C1QTNF7: variants seen among roughly 807,000 people sequenced by gnomAD.
The protein encoded by C1QTNF7 is complement C1q tumor necrosis factor-related protein 7.
A neutral mutation model predicts 19.6 loss-of-function variants in C1QTNF7; 15 were observed. That is an observed-to-expected ratio of 0.76 (90% confidence interval 0.51 to 1.18). C1QTNF7 has a LOEUF of 1.18. Ranked by LOEUF, C1QTNF7 falls within the 50% of genes most tolerant of loss-of-function variation. C1QTNF7 has a pLI of 0.00. For synonymous variants in C1QTNF7, 142 were observed against 137.5 expected (o/e 1.03, Z -0.23); for missense variants, 324 against 359.7 (o/e 0.90, Z 0.80).
intron 1 of C1QTNF7, among the ~76,000 whole-genome samples, chr4:15,418,223 TC>T (rs1711538808): frequency 6.6e-6 from 1 of 152,062 alleles, no homozygotes; most frequent in Non-Finnish European, 1.5e-5. Flanking sequence ...CCCAACTTGC[TC>T]CCACCTCCCC....
At chr4:15,421,253 C>A (rs1392666379) in intron 1 of C1QTNF7, among the ~76,000 whole-genome samples, 1 of 152,078 alleles carries the variant, frequency 6.6e-6, no homozygotes, top group East Asian at 1.9e-4. Context: ...AATATTGTTA[C>A]AATCACCACT....
At chr4:15,360,798 T>G (rs1235823120) in intron 1 of C1QTNF7, among the ~76,000 whole-genome samples, 1 of 152,182 alleles carries the variant, frequency 6.6e-6, no homozygotes, top group Non-Finnish European at 1.5e-5. Context: ...TTTTAGCAAG[T>G]AGATGAATTT....
intron 1 of C1QTNF7, among the ~76,000 whole-genome samples, chr4:15,391,369 C>T (rs931333392): frequency 7.2e-5 from 11 of 152,028 alleles, no homozygotes; most frequent in African/African-American, 2.2e-4. Context: ...ACTTGAGCCA[C>T]GGAATATCCT....
rs1423217796 is a variant in C1QTNF7 at position 15,445,262 on chromosome 4, A to C, written c.*2463A>C. ...ATAGAATTCCAAGTTATAAAGCATA[A>C]AAAAGAGCCAACAGAAGTAACTAAT... is the stretch of plus-strand genomic sequence containing the variant. On this transcript the variant is annotated 3_prime_UTR_variant, in exon 3 of 3. Coordinates refer to ENST00000444304, the MANE Select transcript of C1QTNF7 (RefSeq NM_031911.5). 2.0e-5 allele frequency: 3 copies of C among 152,234 alleles called. No homozygotes were observed. 9.4% of individuals were successfully genotyped at this position (152,234 alleles called of 1,614,324 possible).
chr4:15,437,974 A>G (rs1712602418), intron 2 of C1QTNF7, among the ~76,000 whole-genome samples: 1 of 152,168 alleles, frequency 6.6e-6, no homozygotes, highest in African/African-American at 2.4e-5. Flanking sequence ...AGCATAAGAC[A>G]TTGTTCTTGC....
At chr4:15,399,111 C>T (rs2108905973) in intron 1 of C1QTNF7, among the ~76,000 whole-genome samples, 1 of 152,272 alleles carries the variant, frequency 6.6e-6, no homozygotes, top group South Asian at 2.1e-4. Context: ...GCCATTTTGC[C>T]TCTTAATGCA....
chr4:15,399,129 G>A (rs1412154085), intron 1 of C1QTNF7, among the ~76,000 whole-genome samples: 8 of 152,166 alleles, frequency 5.3e-5, no homozygotes, highest in African/African-American at 1.4e-4. Flanking sequence ...GCACATGCTT[G>A]AGACCACTCT....
chr4:15,357,870 A>AT (rs1163346193), intron 1 of C1QTNF7, among the ~76,000 whole-genome samples: 3 of 152,042 alleles, frequency 2.0e-5, no homozygotes, highest in African/African-American at 7.2e-5. Context: ...TTCACTCATG[A>AT]TTTTCCTCTC....
intron 1 of C1QTNF7, among the ~76,000 whole-genome samples, chr4:15,396,307 G>T (rs1718776504): frequency 6.6e-6 from 1 of 152,142 alleles, no homozygotes; most frequent in Non-Finnish European, 1.5e-5. Context: ...AGATTGAGAG[G>T]CTCTGGCTGT....
chr4:15,414,428 G>A (rs151320318), intron 1 of C1QTNF7, among the ~76,000 whole-genome samples: 1 of 152,054 alleles, frequency 6.6e-6, no homozygotes, highest in Non-Finnish European at 1.5e-5. Flanking sequence ...CCTAAGCATT[G>A]CCCAATGACA....
At chr4:15,366,039 C>T (rs146089508) in intron 1 of C1QTNF7, among the ~76,000 whole-genome samples, 26 of 152,282 alleles carry the variant, frequency 1.7e-4, no homozygotes, top group African/African-American at 6.0e-4. Context: ...ATGTCCACTA[C>T]AGTGTACACA....
Position 15,445,385 on chromosome 4 carries a change from C to T in C1QTNF7, c.*2586C>T, listed in dbSNP as rs544096031. 2 of 152,332 alleles carry T rather than the reference C, an allele frequency of 1.3e-5. No individual in the cohort carries two copies. The highest frequency in any genetic ancestry group is 3.9e-4 in the East Asian group (2 of 5,186). 9.4% of individuals were successfully genotyped at this position (152,332 alleles called of 1,614,324 possible). A position where few individuals can be genotyped will look rare whatever the true frequency, so the allele number is the denominator to read the frequency against. On this transcript the variant is annotated 3_prime_UTR_variant, in exon 3 of 3. Coordinates refer to ENST00000444304, the MANE Select transcript of C1QTNF7 (RefSeq NM_031911.5). ...TTGCAGACAGTCATGAACCACAAAT[C>T]ACTGTGATTAAAATTTTCTTCTGAT... is the stretch of plus-strand genomic sequence containing the variant.
intron 1 of C1QTNF7, among the ~76,000 whole-genome samples, chr4:15,401,664 G>A (rs191740318): frequency 1.9e-3 from 293 of 152,170 alleles, no homozygotes; most frequent in Admixed American, 3.5e-3. Context: ...AATCAACATC[G>A]TAGTTTCTCA....
At chr4:15,415,781 G>T (rs1345761337) in intron 1 of C1QTNF7, among the ~76,000 whole-genome samples, 1 of 152,052 alleles carries the variant, frequency 6.6e-6, no homozygotes, top group East Asian at 1.9e-4. Flanking sequence ...TGGAATAAAT[G>T]TTACAAACCA....
At chr4:15,371,292 G>A (rs1393802745) in intron 1 of C1QTNF7, among the ~76,000 whole-genome samples, 1 of 152,242 alleles carries the variant, frequency 6.6e-6, no homozygotes, top group Non-Finnish European at 1.5e-5. Flanking sequence ...GCATTTGGTG[G>A]TACACAGAGG....
chr4:15,365,891 C>T (rs1057147122), intron 1 of C1QTNF7, among the ~76,000 whole-genome samples: 4 of 152,150 alleles, frequency 2.6e-5, no homozygotes, highest in Non-Finnish European at 5.9e-5. Flanking sequence ...TTTTGCTTAG[C>T]CTACCCTGGT....
At chr4:15,372,449 G>C (rs912407823) in intron 1 of C1QTNF7, among the ~76,000 whole-genome samples, 1 of 152,184 alleles carries the variant, frequency 6.6e-6, no homozygotes. Context: ...CAGACTTCCA[G>C]ACTCCAGAAC....
intron 1 of C1QTNF7, among the ~76,000 whole-genome samples, chr4:15,381,489 A>C (rs1482776471): frequency 6.6e-6 from 1 of 152,144 alleles, no homozygotes; most frequent in Non-Finnish European, 1.5e-5. Flanking sequence ...GATAGGAACA[A>C]AATTCTTCCT....
intron 2 of C1QTNF7, among the ~76,000 whole-genome samples, chr4:15,441,694 T>C (rs1160462886): frequency 6.6e-6 from 1 of 152,236 alleles, no homozygotes; most frequent in East Asian, 1.9e-4. Flanking sequence ...GAAAATTTTC[T>C]ATTTTTGTTG....
Sources: allele counts gnomAD v4.1 joint callset (sites outside exome capture counted in the v4.1 genomes callset), GRCh38; gene constraint gnomAD v4.1.1; transcripts MANE v1.5; gene names NCBI Gene and HGNC (gene_info 2026-07-23, HGNC 2026-07-21).